Variants in COL13A1 observed in about 807,000 individuals in gnomAD.
COL13A1 encodes collagen type XIII alpha 1 chain.
Under a neutral mutation model 130.9 loss-of-function variants are expected in COL13A1, and 89 were observed. That is an observed-to-expected ratio of 0.68 (90% CI 0.57 to 0.81). The LOEUF is 0.81. Among genes scored for constraint, COL13A1 ranks in the 30% least tolerant of loss-of-function variants. The probability of loss-of-function intolerance (pLI) is 0.00; values close to 1 mark genes in which losing one functional copy is unlikely to be tolerated. For missense variants in COL13A1, 879 were observed against 934.6 expected, an observed-to-expected ratio of 0.94 and a Z score of 0.78; for synonymous variants, 402 against 341.6, an observed-to-expected ratio of 1.18 and a Z score of -1.95.
intron 2 of COL13A1, among the ~76,000 whole-genome samples, chr10:69,857,304 C>A (rs1193820438): frequency 2.6e-5 from 4 of 152,236 alleles, no homozygotes; most frequent in African/African-American, 9.6e-5. Flanking sequence ...GGTCACCCAG[C>A]CCTGTCCAGC....
intron 14 of COL13A1, 105 bp from the exon 15 acceptor site, chr10:69,902,643 C>T (rs990925617): frequency 1.9e-5 from 17 of 882,378 alleles, no homozygotes; most frequent in Non-Finnish European, 2.4e-5. Context: ...CACTCCTTCC[C>T]GGCAGAAATC....
At chr10:69,896,336 G>A (rs1040006654) in intron 13 of COL13A1, among the ~76,000 whole-genome samples, 3 of 152,134 alleles carry the variant, frequency 2.0e-5, no homozygotes, top group Non-Finnish European at 4.4e-5. Flanking sequence ...TGGGACAGGG[G>A]AGAGCAAGAT....
At chr10:69,816,872 C>T (rs545529049) in intron 1 of COL13A1, among the ~76,000 whole-genome samples, 15 of 152,182 alleles carry the variant, frequency 9.9e-5, no homozygotes, top group Admixed American at 3.3e-4. Context: ...CCAGGAGAGA[C>T]GTAGGAGGCA....
chr10:69,889,568 C>T, intron 10 of COL13A1, 128 bp downstream of exon 10: 1 of 1,224,618 alleles, frequency 8.2e-7, no homozygotes, highest in East Asian at 2.5e-5. Context: ...GGTCACTCCC[C>T]AGCTGTGTAA....
intron 14 of COL13A1, among the ~76,000 whole-genome samples, chr10:69,899,523 C>T (rs188811085): frequency 2.8e-4 from 42 of 152,302 alleles, no homozygotes; most frequent in Middle Eastern, 3.4e-3. Context: ...GCTGGACCTA[C>T]CTCCTCTCTA....
intron 39 of COL13A1, 118 bp from the exon 40 acceptor site, chr10:69,956,886 G>A: frequency 2.7e-6 from 2 of 745,096 alleles, no homozygotes; most frequent in East Asian, 5.1e-5. Context: ...AGACAAGCGT[G>A]GGTGGGCCAC....
chr10:69,836,838 A>G (rs968373178), intron 2 of COL13A1, among the ~76,000 whole-genome samples: 4 of 152,048 alleles, frequency 2.6e-5, no homozygotes, highest in African/African-American at 9.7e-5. Flanking sequence ...TTAAACCCCA[A>G]CTGGGGAGGA....
intron 13 of COL13A1, 101 bp downstream of exon 13, chr10:69,895,677 T>C: frequency 1.5e-6 from 2 of 1,339,736 alleles, no homozygotes; most frequent in Non-Finnish European, 2.1e-6. Flanking sequence ...TACTAACAGA[T>C]CATGGGGGAG....
intron 3 of COL13A1, among the ~76,000 whole-genome samples, chr10:69,868,353 T>G (rs10762321): frequency 0.4 from 61,428 of 151,804 alleles, 12,559 homozygotes; most frequent in East Asian, 0.55. Context: ...TGTCAGCCGG[T>G]TAGACTGGGA....
intron 2 of COL13A1, among the ~76,000 whole-genome samples, chr10:69,829,846 TC>T (rs1328214600): frequency 6.6e-6 from 1 of 152,242 alleles, no homozygotes; most frequent in Non-Finnish European, 1.5e-5. Flanking sequence ...CTCAAGGCCC[TC>T]TGGCTCTGCG....
intron 2 of COL13A1, among the ~76,000 whole-genome samples, chr10:69,831,856 G>C (rs1401124528): frequency 6.6e-6 from 1 of 152,172 alleles, no homozygotes; most frequent in Non-Finnish European, 1.5e-5. Context: ...CTCCTTGTTA[G>C]TCATGGTACT....
At chr10:69,846,299 G>C (rs914954930) in intron 2 of COL13A1, among the ~76,000 whole-genome samples, 1 of 152,178 alleles carries the variant, frequency 6.6e-6, no homozygotes, top group Non-Finnish European at 1.5e-5. Flanking sequence ...AGAGTGTCCT[G>C]GTTCCTAATC....
intron 37 of COL13A1, 75 bp from the exon 38 acceptor site, chr10:69,947,232 A>T (rs1302355090): frequency 1.5e-6 from 2 of 1,342,236 alleles, no homozygotes; most frequent in Non-Finnish European, 2.1e-6. Flanking sequence ...GAGTTTGATG[A>T]GCCTGGAAGA....
At chr10:69,885,666 A>G (rs985977806) in intron 7 of COL13A1, among the ~76,000 whole-genome samples, 7 of 152,134 alleles carry the variant, frequency 4.6e-5, no homozygotes, top group African/African-American at 1.7e-4. Context: ...GGGATGGAAG[A>G]TGTTTCTTGG....
At chr10:69,808,655 C>G (rs1316812208) in intron 1 of COL13A1, among the ~76,000 whole-genome samples, 3 of 152,228 alleles carry the variant, frequency 2.0e-5, no homozygotes, top group Non-Finnish European at 4.4e-5. Flanking sequence ...CATTGTACAA[C>G]GGTCTCTCCA....
chr10:69,925,937 T>G (rs752247254), intron 26 of COL13A1, 65 bp downstream of exon 26: 1 of 1,377,606 alleles, frequency 7.3e-7, no homozygotes, highest in South Asian at 1.2e-5. Flanking sequence ...CATGCCCTGA[T>G]CAGGGGGCCC....
intron 12 of COL13A1, among the ~76,000 whole-genome samples, 166 bp downstream of exon 12, chr10:69,894,867 C>G (rs1047629062): frequency 3.3e-5 from 5 of 152,204 alleles, no homozygotes; most frequent in African/African-American, 1.2e-4. Context: ...CTCCAGGGGA[C>G]ATCCTTTTCT....
intron 22 of COL13A1, 75 bp downstream of exon 22, chr10:69,922,010 A>T (rs4237324): frequency 2.0e-6 from 3 of 1,496,946 alleles, no homozygotes; most frequent in Admixed American, 4.2e-5. Flanking sequence ...ACATCCACAC[A>T]GGCCCCAGCA....
chr10:69,935,401 G>A lies in COL13A1; in HGVS notation c.1770+10G>A, dbSNP rs759124871. On this transcript the variant is annotated intron_variant, in intron 32 of 40. Transcript: ENST00000645393. ...GCCTCCCGGACCTCCGGTAAGTTTG[G>A]AGGGCTTGTCAGTGGCCAGTCCACT... 53 of 1,552,254 alleles carry A rather than the reference G, an allele frequency of 3.4e-5. No individual in the cohort carries two copies. The highest frequency in any genetic ancestry group is 4.4e-5 in the Non-Finnish European group (50 of 1,147,702).
Sources: allele counts gnomAD v4.1 joint callset (sites outside exome capture counted in the v4.1 genomes callset), GRCh38; gene constraint gnomAD v4.1.1; transcripts MANE v1.5; gene names NCBI Gene and HGNC (gene_info 2026-07-23, HGNC 2026-07-21).